The following TRIP12 variants were observed in gnomAD, a reference collection of about 807,000 sequenced individuals.
TRIP12 encodes the protein thyroid hormone receptor interactor 12, also known as E3 ubiquitin-protein ligase TRIP12.
In TRIP12, 25 loss-of-function variants were observed where a neutral mutation model predicts 244.2. The ratio of observed to expected loss-of-function variants is 0.10; its 90% confidence interval spans 0.07 to 0.14. The LOEUF (loss-of-function observed/expected upper bound fraction) is 0.14. Ranked by LOEUF, TRIP12 falls within the 10% of genes least tolerant of loss-of-function variation. The pLI, the probability that TRIP12 is intolerant of heterozygous loss-of-function variation, is 1.00. For missense variants in TRIP12, 1,677 were observed against 2,486.4 expected (o/e 0.67, Z 6.92); for synonymous variants, 905 against 873.1 (o/e 1.04, Z -0.64).
intron 38 of TRIP12, 57 bp from the exon 39 acceptor site, chr2:229,771,689 T>G (rs1457610912): frequency 1.5e-6 from 2 of 1,324,660 alleles, no homozygotes; most frequent in Non-Finnish European, 2.2e-6. Flanking sequence ...CTTTACTATT[T>G]AATATGTGGC....
intron 1 of TRIP12, among the ~76,000 whole-genome samples, chr2:229,888,162 T>G (rs1022236248): frequency 6.6e-6 from 1 of 152,198 alleles, no homozygotes; most frequent in Non-Finnish European, 1.5e-5. Flanking sequence ...TGTAGCAGCA[T>G]TATCAAATGA....
intron 2 of TRIP12, among the ~76,000 whole-genome samples, chr2:229,864,469 C>T (rs991101253): frequency 1.1e-4 from 17 of 152,046 alleles, no homozygotes; most frequent in African/African-American, 4.1e-4. Flanking sequence ...TGGTTTTGAA[C>T]TTGTTGAGAC....
intron 34 of TRIP12, among the ~76,000 whole-genome samples, chr2:229,783,654 TCAG>T (rs1053962009): frequency 2.6e-5 from 4 of 152,086 alleles, no homozygotes; most frequent in Non-Finnish European, 5.9e-5. Context: ...CATTCATGGA[TCAG>T]AAGACACAAT....
At chr2:229,803,907 G>T in intron 19 of TRIP12, 92 bp downstream of exon 19, 1 of 1,164,324 alleles carries the variant, frequency 8.6e-7, no homozygotes, top group Non-Finnish European at 1.2e-6. Flanking sequence ...AAATTTTTGT[G>T]CATATTTTTT....
rs902538725 is a variant in TRIP12, at chr2:229,766,110, A to T, written c.*1444T>A. ...AAAATTGATTTCTCAAAGTTCAATT[A>T]AAAAAAAAAACTAGCTCATCTCTTA... On this transcript the variant is annotated 3_prime_UTR_variant, in exon 42 of 42. Transcript: ENST00000675903. 2 of 138,562 alleles carry T rather than the reference A, an allele frequency of 1.4e-5. No individual in the cohort carries two copies. Among genetic ancestry groups the T allele is most frequent in the Non-Finnish European group, 3.0e-5 (2 of 65,582 alleles). The allele number at this position is 138,562 out of a possible 1,614,324, so 8.6% of individuals were successfully genotyped here. A position where few individuals can be genotyped will look rare whatever the true frequency, so the allele number is the denominator to read the frequency against.
chr2:229,802,347 A>G lies in TRIP12; in HGVS notation c.3111T>C (p.Ser1037=), dbSNP rs1393193651. The G allele has an allele frequency of 1.2e-6, 2 of 1,613,680 alleles. No individual in the cohort carries two copies. The highest frequency in any genetic ancestry group is 1.7e-6 in the Non-Finnish European group (2 of 1,179,932). Residue 1037 remains serine (S), a synonymous_variant, in exon 21 of 42, where the codon AGT becomes AGC. Coordinates refer to ENST00000675903, the MANE Select transcript of TRIP12 (RefSeq NM_001348323.3). ...GSMGSTTSVS[S]GTATAATHAA... ...CATGAGTGGCAGCTGTGGCTGTCCC[A>G]CTGCTGACTGAAGTTGTGGATCCCA... is the stretch of plus-strand genomic sequence containing the variant.
intron 1 of TRIP12, among the ~76,000 whole-genome samples, chr2:229,892,016 C>T (rs903281029): frequency 1.3e-5 from 2 of 152,216 alleles, no homozygotes; most frequent in Non-Finnish European, 2.9e-5. Flanking sequence ...ACTGCACTGA[C>T]ATTCATAGAC....
At chr2:229,795,388 T>C (rs1027853521) in intron 25 of TRIP12, 58 bp from the exon 26 acceptor site, 1 of 1,547,048 alleles carries the variant, frequency 6.5e-7, no homozygotes, top group Admixed American at 2.0e-5. Flanking sequence ...AAAAGTCTCC[T>C]CAAAGAGAAG....
At chr2:229,828,458 T>C (rs768368877) in intron 8 of TRIP12, among the ~76,000 whole-genome samples, 32 of 151,864 alleles carry the variant, frequency 2.1e-4, no homozygotes, top group Non-Finnish European at 4.4e-4. Flanking sequence ...TTGTAATGTA[T>C]AGATCATATT....
chr2:229,883,542 T>C (rs530301376), intron 1 of TRIP12, among the ~76,000 whole-genome samples: 1 of 152,342 alleles, frequency 6.6e-6, no homozygotes, highest in Non-Finnish European at 1.5e-5. Context: ...CCCAATTTAA[T>C]ATCCCTATCA....
At chr2:229,769,413 A>T in intron 39 of TRIP12, 88 bp from the exon 40 acceptor site, 1 of 1,170,250 alleles carries the variant, frequency 8.5e-7, no homozygotes, top group Non-Finnish European at 1.2e-6. Flanking sequence ...ACCATAAAAG[A>T]GTATCAGTCT....
chr2:229,798,126 T>C (rs1361335758), intron 23 of TRIP12, among the ~76,000 whole-genome samples: 1 of 152,230 alleles, frequency 6.6e-6, no homozygotes, highest in Admixed American at 6.5e-5. Context: ...TTCCCTTTAC[T>C]TCCTAAAGTA....
intron 5 of TRIP12, among the ~76,000 whole-genome samples, chr2:229,840,184 G>T (rs906498389): frequency 6.6e-6 from 1 of 152,082 alleles, no homozygotes; most frequent in African/African-American, 2.4e-5. Flanking sequence ...AAGTATATTT[G>T]GCAGACGAGA....
At position 229,859,251 on chromosome 2, in the gene TRIP12, G is replaced by A. The variant is rs1476337241; in HGVS notation, c.548C>T (p.Thr183Ile). The change falls in exon 4 of 42, where the codon ACT becomes ATT. Residue 183 changes from threonine to isoleucine, a missense_variant. Coordinates refer to ENST00000675903, the MANE Select transcript of TRIP12 (RefSeq NM_001348323.3). ...SKAHTRKSGA[T>I]GGSRSQKRKR... ...TCTTTTCTGACTCCGTGAACCGCCAGTGGCCCCACTCTTCCTGGTATGAGC... is the reference window on the plus strand; with the variant it reads ...TCTTTTCTGACTCCGTGAACCGCCAATGGCCCCACTCTTCCTGGTATGAGC... 2 of 1,614,078 alleles carry A rather than the reference G, an allele frequency of 1.2e-6. No homozygotes were observed. The highest frequency in any genetic ancestry group is 1.7e-6 in the Non-Finnish European group (2 of 1,180,044).
intron 1 of TRIP12, among the ~76,000 whole-genome samples, chr2:229,907,245 C>T (rs568346620): frequency 1.3e-5 from 2 of 152,210 alleles, no homozygotes; most frequent in Non-Finnish European, 2.9e-5. Context: ...GAACCAGGCA[C>T]TGTGCTAGGT....
intron 37 of TRIP12, among the ~76,000 whole-genome samples, chr2:229,776,425 G>C (rs931427665): frequency 6.6e-6 from 1 of 152,118 alleles, no homozygotes; most frequent in Non-Finnish European, 1.5e-5. Context: ...TAGCCTCTTT[G>C]AATACCAATT....
Position 229,778,687 on chromosome 2 carries a change from T to TG in TRIP12, c.5210-101dup, listed in dbSNP as rs2037098312. ...TTAAGAAATTAAGCATTCTCAAAATTGGAGTGCAGATCACTGAATGAAGTC... is the reference window on the plus strand; with the variant it reads ...TTAAGAAATTAAGCATTCTCAAAATTGGGAGTGCAGATCACTGAATGAAGTC... On this transcript the variant is annotated intron_variant, in intron 35 of 41. Transcript: ENST00000675903. The surrounding 1 kb of genome is among the most constrained non-coding windows in gnomAD (Gnocchi z 4.1). 4.0e-6 allele frequency: 6 copies of TG among 1,507,134 alleles called. No individual in the cohort carries two copies. The highest frequency in any genetic ancestry group is 5.4e-6 in the Non-Finnish European group (6 of 1,116,978). The allele number at this position is 1,507,134 out of a possible 1,614,324, so 93.4% of individuals were successfully genotyped here. A position where few individuals can be genotyped will look rare whatever the true frequency, so the allele number is the denominator to read the frequency against.
At chr2:229,899,659 G>A (rs908201143) in intron 1 of TRIP12, among the ~76,000 whole-genome samples, 1 of 152,138 alleles carries the variant, frequency 6.6e-6, no homozygotes. Context: ...AGAGCAACCC[G>A]AGCCCTAGGG....
At position 229,791,108 on chromosome 2, in the gene TRIP12, T is replaced by G. The variant is rs906778255; in HGVS notation, c.4543+16A>C. 8 of 1,613,590 alleles carry G rather than the reference T, an allele frequency of 5.0e-6. No individual in the cohort carries two copies. The African/African-American group carries it at 5.3e-5, about 11-fold the overall frequency. On this transcript the variant is annotated intron_variant, in intron 30 of 41. Transcript: ENST00000675903. ...CCCAGTTGGCAATCCATTTTCCCCT[T>G]TATCTACCATCTTACCGTGCCATAA...
Sources: allele counts gnomAD v4.1 joint callset (sites outside exome capture counted in the v4.1 genomes callset), GRCh38; gene constraint gnomAD v4.1.1; non-coding constraint Gnocchi (gnomAD v3.1); transcripts MANE v1.5; gene names NCBI Gene and HGNC (gene_info 2026-07-23, HGNC 2026-07-21).